ARID5B: variants seen among roughly 807,000 people sequenced by gnomAD.
ARID5B encodes the protein AT-rich interaction domain 5B, also known as AT-rich interactive domain-containing protein 5B.
ARID5B carries 13 observed loss-of-function variants against 97.2 expected under a neutral mutation model. The observed-to-expected ratio is 0.13, with a 90% CI of 0.09 to 0.21. The LOEUF is 0.21. Among genes scored for constraint, ARID5B ranks in the 10% least tolerant of loss-of-function variants. The probability of loss-of-function intolerance (pLI) is 1.00; values close to 1 mark genes in which losing one functional copy is unlikely to be tolerated. For missense variants in ARID5B, 1,210 were observed against 1,465.3 expected (o/e 0.83, Z 2.84); for synonymous variants, 556 against 570.3 (o/e 0.97, Z 0.36).
At chr10:61,953,346 C>T (rs1419863338) in intron 3 of ARID5B, among the ~76,000 whole-genome samples, 1 of 152,146 alleles carries the variant, frequency 6.6e-6, no homozygotes, top group East Asian at 1.9e-4. Flanking sequence ...ACTTTTCTAG[C>T]AGAGAAAAAC....
chr10:62,049,600 A>T (rs1161486915), intron 4 of ARID5B: 1 of 1,410,832 alleles, frequency 7.1e-7, no homozygotes, highest in Non-Finnish European at 9.8e-7. Context: ...ATGAGAGGAG[A>T]GAGCGGGTGT....
intron 7 of ARID5B, among the ~76,000 whole-genome samples, chr10:62,062,522 C>T (rs927471503): frequency 6.6e-6 from 1 of 152,154 alleles, no homozygotes; most frequent in African/African-American, 2.4e-5. Context: ...AAGTGTTTCC[C>T]ATGGCTCTTA....
intron 9 of ARID5B, among the ~76,000 whole-genome samples, chr10:62,088,373 C>A (rs1028829022): frequency 1.3e-5 from 2 of 152,090 alleles, no homozygotes; most frequent in African/African-American, 2.4e-5. Context: ...GACAGCTGAC[C>A]GTTGAATATC....
intron 4 of ARID5B, among the ~76,000 whole-genome samples, chr10:62,008,126 T>C (rs981704891): frequency 3.5e-5 from 5 of 144,650 alleles, no homozygotes; most frequent in African/African-American, 1.3e-4. Context: ...TGTAAATGTA[T>C]ATAGGGATTT....
At chr10:62,043,047 T>G (rs188478827) in intron 4 of ARID5B, among the ~76,000 whole-genome samples, 22 of 152,176 alleles carry the variant, frequency 1.4e-4, no homozygotes, top group African/African-American at 5.1e-4. Context: ...ATCCCAAAGA[T>G]GCATAGGCTC....
chr10:61,918,668 A>T (rs1255175957), intron 2 of ARID5B, among the ~76,000 whole-genome samples: 1 of 152,154 alleles, frequency 6.6e-6, no homozygotes, highest in East Asian at 1.9e-4. Context: ...TTTTATCTAT[A>T]TCTGTGATTT....
At chr10:61,914,083 T>C (rs1843856467) in intron 2 of ARID5B, among the ~76,000 whole-genome samples, 1 of 152,160 alleles carries the variant, frequency 6.6e-6, no homozygotes, top group South Asian at 2.1e-4. Flanking sequence ...AGAGAGTTAG[T>C]GATTACACAG....
Position 62,092,674 on chromosome 10 carries a change from C to T in ARID5B, c.3211C>T (p.Leu1071Phe). The T allele has an allele frequency of 6.2e-7, 1 of 1,614,000 alleles. No homozygotes were observed. Among genetic ancestry groups the T allele is most frequent in the Non-Finnish European group, 8.5e-7 (1 of 1,179,942 alleles). ...CGGGGGCGGATCAGAAGGCCACAAG[C>T]TTCCCCTCTCCTCCCCTATCTTCCC... ...HSGGGSEGHK[L>F]PLSSPIFPGL... Residue 1071 changes from leucine (L) to phenylalanine (F), a missense_variant, in exon 10 of 10, where the codon CTT becomes TTT. Physicochemically the swap from Leu to Phe is conservative, Grantham distance 22 (BLOSUM62 0). Transcript: ENST00000279873.
At chr10:62,019,720 G>C (rs1417508427) in intron 4 of ARID5B, among the ~76,000 whole-genome samples, 2 of 152,200 alleles carry the variant, frequency 1.3e-5, no homozygotes, top group African/African-American at 2.4e-5. Context: ...GCCAACCTGA[G>C]TTCATTCGAA....
intron 3 of ARID5B, among the ~76,000 whole-genome samples, chr10:61,975,490 G>A (rs1268622902): frequency 6.6e-6 from 1 of 152,082 alleles, no homozygotes; most frequent in Non-Finnish European, 1.5e-5. Context: ...GAGGCCAGAT[G>A]TCTTTTTCTC....
At chr10:62,008,905 T>G (rs1432410593) in intron 4 of ARID5B, among the ~76,000 whole-genome samples, 2 of 152,220 alleles carry the variant, frequency 1.3e-5, no homozygotes, top group Non-Finnish European at 2.9e-5. Flanking sequence ...GCATTGGCTT[T>G]CCCAACTTGG....
rs936747373 is a variant in ARID5B, at chr10:62,095,718, G to T, written c.*2688G>T. On this transcript the variant is annotated 3_prime_UTR_variant, in exon 10 of 10. Coordinates refer to ENST00000279873, the MANE Select transcript of ARID5B (RefSeq NM_032199.3). ...AAAAAGACCATTGAATTCTTCATTG[G>T]CTGAGAACGACGTTTTAAAATGTCT... 9.0e-5 allele frequency: 21 copies of T among 232,194 alleles called. No homozygotes were observed. The highest frequency in any genetic ancestry group is 4.0e-4 in the African/African-American group (18 of 45,262). The allele number at this position is 232,194 out of a possible 1,614,324, so 14.4% of individuals were successfully genotyped here. A position where few individuals can be genotyped will look rare whatever the true frequency, so the allele number is the denominator to read the frequency against.
chr10:61,977,517 C>T (rs1055655207), intron 3 of ARID5B, among the ~76,000 whole-genome samples: 2 of 152,206 alleles, frequency 1.3e-5, no homozygotes, highest in African/African-American at 4.8e-5. Context: ...TCTCCAGCAC[C>T]TGTTGTTTCC....
At chr10:62,038,736 T>C (rs1224877077) in intron 4 of ARID5B, among the ~76,000 whole-genome samples, 1 of 152,260 alleles carries the variant, frequency 6.6e-6, no homozygotes, top group Non-Finnish European at 1.5e-5. Flanking sequence ...TGTGGCTGTT[T>C]CTATCCAAGA....
intron 7 of ARID5B, among the ~76,000 whole-genome samples, chr10:62,062,570 A>G (rs1343997214): frequency 6.6e-6 from 1 of 152,196 alleles, no homozygotes; most frequent in East Asian, 1.9e-4. Context: ...CAAGTATCAA[A>G]GATTTTTCTT....
chr10:62,074,706 G>A (rs552096126), intron 8 of ARID5B, among the ~76,000 whole-genome samples: 4 of 152,214 alleles, frequency 2.6e-5, no homozygotes, highest in East Asian at 1.9e-4. Flanking sequence ...TAATAGATAC[G>A]CAATTCAGAA....
At chr10:61,913,935 G>T (rs998245000) in intron 2 of ARID5B, among the ~76,000 whole-genome samples, 2 of 152,180 alleles carry the variant, frequency 1.3e-5, no homozygotes, top group African/African-American at 4.8e-5. Context: ...ATTTTTAATA[G>T]AGACGGGGTT....
chr10:62,035,952 G>A (rs1385303304), intron 4 of ARID5B, among the ~76,000 whole-genome samples: 2 of 151,752 alleles, frequency 1.3e-5, no homozygotes, highest in Non-Finnish European at 2.9e-5. Context: ...AGCCTCCCAA[G>A]TAGGTGGGAT....
chr10:62,037,837 G>A (rs1181007368), intron 4 of ARID5B, among the ~76,000 whole-genome samples: 1 of 152,146 alleles, frequency 6.6e-6, no homozygotes. Flanking sequence ...TAAGAACTTT[G>A]CTAATTCAAA....
Sources: gnomAD v4.1 joint callset for allele counts (sites outside exome capture counted in the v4.1 genomes callset) on GRCh38, gnomAD v4.1.1 for gene constraint, MANE v1.5 for transcripts, NCBI Gene and HGNC (gene_info 2026-07-23, HGNC 2026-07-21) for gene names.